The following LRRC4C variants were observed in gnomAD, a reference collection of about 807,000 sequenced individuals.
LRRC4C encodes the protein leucine rich repeat containing 4C.
In LRRC4C, 5 loss-of-function variants were observed where a neutral mutation model predicts 33.6. That is an observed-to-expected ratio of 0.15 (90% CI 0.08 to 0.31). LRRC4C has a LOEUF of 0.31. Among genes scored for constraint, LRRC4C ranks in the 10% least tolerant of loss-of-function variants. The probability of loss-of-function intolerance (pLI) is 1.00; values close to 1 mark genes in which losing one functional copy is unlikely to be tolerated. For synonymous variants in LRRC4C, 329 were observed against 302.0 expected (o/e 1.09, Z -0.93); for missense variants, 560 against 796.7 (o/e 0.70, Z 3.58).
intron 2 of LRRC4C, among the ~76,000 whole-genome samples, chr11:40,846,596 C>T (rs182414194): frequency 6.6e-6 from 1 of 150,854 alleles, no homozygotes; most frequent in East Asian, 2.0e-4. Flanking sequence ...TAACCTGATG[C>T]TTCCAGCTTT....
At position 41,375,712 on chromosome 11, in the gene LRRC4C, A is replaced by T. The variant is rs983313384; in HGVS notation, c.-496+83719T>A. ...ATAGAACTATTATAGTCAAACTATG[A>T]ATTAATAGCTATCATGGCAGAGAAG... On this transcript the variant is annotated intron_variant, in intron 1 of 6. Transcript: ENST00000528697. 5.3e-5 allele frequency among the ~76,000 whole-genome samples: 8 copies of T among 152,296 alleles called. 1 individual carries two copies. The South Asian group carries it at 1.7e-3, about 32-fold the overall frequency.
intron 3 of LRRC4C, among the ~76,000 whole-genome samples, chr11:40,579,493 T>C (rs1958369207): frequency 6.6e-6 from 1 of 152,194 alleles, no homozygotes; most frequent in Non-Finnish European, 1.5e-5. Flanking sequence ...TGGGTTAAGG[T>C]ATAATTATAT....
intron 3 of LRRC4C, among the ~76,000 whole-genome samples, chr11:40,441,901 G>T (rs1208930345): frequency 2.0e-5 from 3 of 152,104 alleles, no homozygotes; most frequent in African/African-American, 7.2e-5. Context: ...CGTGGCTCAC[G>T]CCTGTAATCC....
chr11:40,891,754 A>G (rs929108755), intron 2 of LRRC4C, among the ~76,000 whole-genome samples: 8 of 152,206 alleles, frequency 5.3e-5, no homozygotes, highest in African/African-American at 1.9e-4. Flanking sequence ...ACACTAATGA[A>G]TAGTGGTGAA....
At position 40,735,666 on chromosome 11, in the gene LRRC4C, A is replaced by T. The variant is rs1260274812; in HGVS notation, c.-406-87388T>A. ...CAGCATTATTTATAGTCCTTTGGGT[A>T]TATACCCAGTAATGGGATGGCTGGG... On this transcript the variant is annotated intron_variant, in intron 2 of 6. Coordinates refer to ENST00000528697, the MANE Select transcript of LRRC4C (RefSeq NM_001258419.2). Among the ~76,000 whole-genome samples the T allele has an allele frequency of 3.0e-5, 4 of 134,918 alleles. No individual in the cohort carries two copies. The South Asian group carries it at 9.8e-4, about 33-fold the overall frequency. The allele number at this position is 134,918 out of a possible 152,430, so 88.5% of individuals were successfully genotyped here. A position where few individuals can be genotyped will look rare whatever the true frequency, so the allele number is the denominator to read the frequency against.
At chr11:40,170,528 A>T (rs1859958576) in intron 5 of LRRC4C, among the ~76,000 whole-genome samples, 2 of 152,212 alleles carry the variant, frequency 1.3e-5, no homozygotes, top group African/African-American at 4.8e-5. Flanking sequence ...ATCTAGAAAT[A>T]ACCAGAGAGG....
chr11:40,469,855 T>C (rs1440498092), intron 3 of LRRC4C, among the ~76,000 whole-genome samples: 2 of 152,144 alleles, frequency 1.3e-5, no homozygotes, highest in Admixed American at 1.3e-4. Context: ...GGGAAGGGCA[T>C]CCCTGAAAGA....
At chr11:40,804,911 G>A (rs550007677) in intron 2 of LRRC4C, among the ~76,000 whole-genome samples, 67 of 152,264 alleles carry the variant, frequency 4.4e-4, no homozygotes, top group Non-Finnish European at 7.6e-4. Context: ...TCATTGGATG[G>A]GGCTGGGTTT....
At chr11:40,477,805 T>C (rs1953318279) in intron 3 of LRRC4C, among the ~76,000 whole-genome samples, 1 of 152,166 alleles carries the variant, frequency 6.6e-6, no homozygotes, top group African/African-American at 2.4e-5. Flanking sequence ...GTTTGACACT[T>C]ACTGTGTGAC....
At chr11:40,857,241 G>C (rs1158704005) in intron 2 of LRRC4C, among the ~76,000 whole-genome samples, 1 of 152,160 alleles carries the variant, frequency 6.6e-6, no homozygotes, top group African/African-American at 2.4e-5. Context: ...TGTGCAGGAT[G>C]TGCAGGTTTG....
chr11:40,965,236 T>G (rs758981760), intron 1 of LRRC4C, among the ~76,000 whole-genome samples: 2 of 152,134 alleles, frequency 1.3e-5, no homozygotes, highest in Admixed American at 6.6e-5. Flanking sequence ...TCTTGTAAAT[T>G]TGTTTGAGTT....
chr11:41,312,913 G>A (rs1242089964), intron 1 of LRRC4C, among the ~76,000 whole-genome samples: 3 of 152,156 alleles, frequency 2.0e-5, no homozygotes, highest in African/African-American at 7.2e-5. Flanking sequence ...ATCAATGAGT[G>A]TCCACATGAA....
intron 2 of LRRC4C, among the ~76,000 whole-genome samples, chr11:40,902,487 A>C (rs1956249756): frequency 6.6e-6 from 1 of 152,118 alleles, no homozygotes; most frequent in South Asian, 2.1e-4. Context: ...AGGAAGAGTC[A>C]CCCTACATTC....
At chr11:41,013,238 C>G (rs1398867382) in intron 1 of LRRC4C, among the ~76,000 whole-genome samples, 1 of 152,208 alleles carries the variant, frequency 6.6e-6, no homozygotes, top group Non-Finnish European at 1.5e-5. Flanking sequence ...CGTGGACTCA[C>G]TTTTAACATC....
At chr11:40,524,442 C>T (rs907601901) in intron 3 of LRRC4C, among the ~76,000 whole-genome samples, 8 of 152,084 alleles carry the variant, frequency 5.3e-5, no homozygotes, top group Non-Finnish European at 1.2e-4. Flanking sequence ...TCATATTGAA[C>T]ACATATATGT....
chr11:41,291,512 C>T (rs1227712733), intron 1 of LRRC4C, among the ~76,000 whole-genome samples: 1 of 151,892 alleles, frequency 6.6e-6, no homozygotes, highest in Non-Finnish European at 1.5e-5. Flanking sequence ...AACATTTTGT[C>T]AAAGAGATAC....
At chr11:40,537,294 T>A (rs1412594326) in intron 3 of LRRC4C, among the ~76,000 whole-genome samples, 1 of 152,202 alleles carries the variant, frequency 6.6e-6, no homozygotes, top group African/African-American at 2.4e-5. Context: ...AAATACCACC[T>A]GATTCAATCC....
At position 41,392,223 on chromosome 11, in the gene LRRC4C, C is replaced by T. The variant is rs184777820; in HGVS notation, c.-496+67208G>A. Among the ~76,000 whole-genome samples the T allele has an allele frequency of 5.0e-3, 760 of 151,948 alleles. 4 individuals carry two copies. Among genetic ancestry groups the T allele is most frequent in the African/African-American group, 0.016 (678 of 41,486 alleles). On this transcript the variant is annotated intron_variant, in intron 1 of 6. Transcript: ENST00000528697. The stretch of plus-strand genomic sequence containing the variant: ...ATGACTTGCAGTGAGACTTTAGCTA[C>T]TGAAGTCTCTTTCCCACGTATGATG...
At chr11:41,212,096 G>A (rs909957333) in intron 1 of LRRC4C, among the ~76,000 whole-genome samples, 3 of 152,154 alleles carry the variant, frequency 2.0e-5, no homozygotes, top group Non-Finnish European at 2.9e-5. Context: ...AGGAGTGGAG[G>A]GGAATGGGGA....
Sources: gnomAD v4.1 joint callset for allele counts (sites outside exome capture counted in the v4.1 genomes callset) on GRCh38, gnomAD v4.1.1 for gene constraint, MANE v1.5 for transcripts, NCBI Gene and HGNC (gene_info 2026-07-23, HGNC 2026-07-21) for gene names.